GSTO1: variants seen among roughly 807,000 people sequenced by gnomAD.
GSTO1 encodes glutathione S-transferase omega 1.
GSTO1 carries 27 observed loss-of-function variants against 23.8 expected under a neutral mutation model. That is an observed-to-expected ratio of 1.13 (90% CI 0.83 to 1.56). The LOEUF (loss-of-function observed/expected upper bound fraction) is 1.56, where lower values mean the gene tolerates loss of function less well. Among genes scored for constraint, GSTO1 ranks in the 40% most tolerant of loss-of-function variants. GSTO1 has a pLI of 0.00. For synonymous variants in GSTO1, 105 were observed against 109.3 expected, an observed-to-expected ratio of 0.96 and a Z score of 0.25; for missense variants, 255 against 285.8, an observed-to-expected ratio of 0.89 and a Z score of 0.78.
At chr10:104,258,284 G>C (rs1401116884) in intron 2 of GSTO1, among the ~76,000 whole-genome samples, 1 of 152,108 alleles carries the variant, frequency 6.6e-6, no homozygotes, top group Non-Finnish European at 1.5e-5. Flanking sequence ...TATAAAAACC[G>C]CCAACGTGTA....
intron 2 of GSTO1, 69 bp from the exon 3 acceptor site, chr10:104,259,507 C>T: frequency 3.2e-6 from 3 of 948,844 alleles, no homozygotes; most frequent in Non-Finnish European, 3.3e-6. Context: ...GATGGCAAAG[C>T]CAGTGAGAAT....
chr10:104,255,327 G>A, intron 2 of GSTO1, 56 bp downstream of exon 2: 2 of 1,191,722 alleles, frequency 1.7e-6, no homozygotes, highest in Non-Finnish European at 2.5e-6. Flanking sequence ...GCTGCAGGCG[G>A]CGGGGTGGGG....
Position 104,267,310 on chromosome 10 carries a change from A to C in GSTO1, c.631A>C (p.Thr211Pro), listed in dbSNP as rs770264722. Residue 211 changes from threonine to proline, a missense_variant, in exon 6 of 6, where the codon ACA (threonine) becomes CCA (proline). Transcript: ENST00000369713. ...LWMAAMKEDPTVSALLTSEKD... is the reference protein window; with the variant it reads ...LWMAAMKEDPPVSALLTSEKD... ...GATGGCAGCCATGAAGGAAGATCCC[A>C]CAGTCTCAGCCCTGCTTACTAGTGA... 1 of 1,613,554 alleles carries C rather than the reference A, an allele frequency of 6.2e-7. No individual in the cohort carries two copies. Among genetic ancestry groups the C allele is most frequent in the South Asian group, 1.1e-5 (1 of 91,064 alleles).
At position 104,254,923 on chromosome 10, in the gene GSTO1, G is replaced by T; in HGVS notation, c.-6G>T. 1.9e-6 allele frequency: 3 copies of T among 1,611,444 alleles called. No homozygotes were observed. Among genetic ancestry groups the T allele is most frequent in the African/African-American group, 2.7e-5 (2 of 75,024 alleles). Reference sequence around the variant, plus strand: ...CCCAGAGGAGCTCGGCCTGCGCTGCGCCACGATGTCCGGGGAGTCAGCCAG... The same window carrying T: ...CCCAGAGGAGCTCGGCCTGCGCTGCTCCACGATGTCCGGGGAGTCAGCCAG... On this transcript the variant is annotated 5_prime_UTR_variant, in exon 1 of 6. Transcript: ENST00000369713.
intron 2 of GSTO1, among the ~76,000 whole-genome samples, chr10:104,257,134 C>T (rs2011104498): frequency 6.7e-6 from 1 of 148,338 alleles, no homozygotes; most frequent in South Asian, 2.1e-4. Flanking sequence ...ATTTATTCAG[C>T]CTTGACAATC....
Position 104,255,183 on chromosome 10 carries a change from G to A in GSTO1, c.55G>A (p.Val19Ile), listed in dbSNP as rs746005024. 7 of 1,613,724 alleles carry A rather than the reference G, an allele frequency of 4.3e-6. No homozygotes were observed. Among genetic ancestry groups the A allele is most frequent in the South Asian group, 1.1e-5 (1 of 91,074 alleles). ...GGCAGGAAGCGCGCCCCCGGGGCCG[G>A]TCCCGGAGGGCTCGATCCGCATCTA... The part of the protein sequence containing the change: ...LGKGSAPPGP[V>I]PEGSIRIYSM... Residue 19 changes from valine (V) to isoleucine (I), a missense_variant, in exon 2 of 6, where the codon GTC (valine) becomes ATC (isoleucine). Val to Ile is a conservative substitution (Grantham distance 29). Coordinates refer to ENST00000369713, the MANE Select transcript of GSTO1 (RefSeq NM_004832.3).
rs954444943 is a variant in GSTO1, at chr10:104,263,060, T to C, written c.448T>C (p.Phe150Leu). Residue 150 changes from phenylalanine to leucine, a missense_variant, in exon 4 of 6, where the codon TTT (phenylalanine) becomes CTT (leucine). Physicochemically the swap from Phe to Leu is conservative, Grantham distance 22 (BLOSUM62 0). Transcript: ENST00000369713. ...CCTAAAAGAAGAATTTCGTAAAGAA[T>C]TTACCAAGCTAGAGGAGGTAATTAT... is the stretch of plus-strand genomic sequence containing the variant. ...AGLKEEFRKE[F>L]TKLEEVLTNK... The C allele has an allele frequency of 4.1e-6, 6 of 1,449,392 alleles. No homozygotes were observed. The South Asian group carries it at 6.9e-5, about 17-fold the overall frequency. 89.8% of individuals were successfully genotyped at this position (1,449,392 alleles called of 1,614,324 possible).
intron 1 of GSTO1, 43 bp downstream of exon 1, chr10:104,255,005 C>A: frequency 6.4e-7 from 1 of 1,566,512 alleles, no homozygotes; most frequent in Non-Finnish European, 8.7e-7. Context: ...CTCGGCGACC[C>A]CCGGCGGCAT....
At chr10:104,254,605 G>T, upstream of GSTO1, 1 of 453,760 alleles carries the variant, frequency 2.2e-6, no homozygotes. Flanking sequence ...TCAGGGTCAG[G>T]GTCAGACGTG....
chr10:104,261,662 C>T (rs74154771), intron 3 of GSTO1, among the ~76,000 whole-genome samples: 11,235 of 152,106 alleles, frequency 0.074, 1,389 homozygotes, highest in African/African-American at 0.26. Context: ...GAAAAACAGA[C>T]GAAAGACCAG....
chr10:104,262,388 AT>A (rs1184459781), intron 3 of GSTO1, among the ~76,000 whole-genome samples: 2 of 152,184 alleles, frequency 1.3e-5, no homozygotes, highest in East Asian at 3.9e-4. Context: ...CCTCCCAATA[AT>A]TCTATGAGCC....
At chr10:104,259,858 G>A in intron 3 of GSTO1, 60 bp downstream of exon 3, 3 of 1,069,298 alleles carry the variant, frequency 2.8e-6, no homozygotes, top group Non-Finnish European at 4.3e-6. Context: ...AGCGAAATCA[G>A]TGCTGCCATT....
chr10:104,255,307 C>G (rs775209148), intron 2 of GSTO1, 36 bp downstream of exon 2: 1 of 1,413,720 alleles, frequency 7.1e-7, no homozygotes, highest in Admixed American at 1.7e-5. Flanking sequence ...CCCGAGCCGT[C>G]CGGGAGCCTG....
intron 4 of GSTO1, among the ~76,000 whole-genome samples, chr10:104,265,271 T>C (rs891040300): frequency 1.3e-5 from 2 of 152,252 alleles, no homozygotes; most frequent in Non-Finnish European, 2.9e-5. Context: ...AATGGACTCA[T>C]ATAATGTTCA....
At chr10:104,265,495 AC>A (rs2011171825) in intron 4 of GSTO1, among the ~76,000 whole-genome samples, 1 of 152,242 alleles carries the variant, frequency 6.6e-6, no homozygotes, top group African/African-American at 2.4e-5. Context: ...AACATGTGTT[AC>A]ATTGCCAAGT....
intron 4 of GSTO1, 137 bp downstream of exon 4, chr10:104,263,214 T>A: frequency 1.9e-6 from 1 of 521,624 alleles, no homozygotes. Context: ...ACATTTTTGT[T>A]TACAGCAGAC....
chr10:104,263,564 G>C (rs796928556), intron 4 of GSTO1, among the ~76,000 whole-genome samples: 1 of 152,186 alleles, frequency 6.6e-6, no homozygotes, highest in Non-Finnish European at 1.5e-5. Flanking sequence ...GGGAAGCCCA[G>C]ATGTATTTTA....
intron 4 of GSTO1, among the ~76,000 whole-genome samples, chr10:104,264,799 A>T (rs747070376): frequency 2.0e-5 from 3 of 152,254 alleles, no homozygotes; most frequent in Non-Finnish European, 2.9e-5. Context: ...GCCTGCAATT[A>T]GGCAAAATCA....
chr10:104,262,919 G>A (rs1482336668), intron 3 of GSTO1, 60 bp from the exon 4 acceptor site: 1 of 746,292 alleles, frequency 1.3e-6, no homozygotes, highest in African/African-American at 1.8e-5. Flanking sequence ...ATATTTTTAT[G>A]TGAGGGGGCC....
Sources: allele counts gnomAD v4.1 joint callset (sites outside exome capture counted in the v4.1 genomes callset), GRCh38; gene constraint gnomAD v4.1.1; transcripts MANE v1.5; gene names NCBI Gene and HGNC (gene_info 2026-07-23, HGNC 2026-07-21).